PXDNL: variants seen among roughly 807,000 people sequenced by gnomAD.
PXDNL encodes probable oxidoreductase PXDNL.
In PXDNL, 145 loss-of-function variants were observed where a neutral mutation model predicts 150.8. The ratio of observed to expected loss-of-function variants is 0.96; its 90% confidence interval spans 0.84 to 1.10. The LOEUF (loss-of-function observed/expected upper bound fraction) is 1.10, where lower values mean the gene tolerates loss of function less well. PXDNL is among the 50% of genes least tolerant of loss of function. The pLI, the probability that PXDNL is intolerant of heterozygous loss-of-function variation, is 0.00. For missense variants in PXDNL, 2,087 were observed against 1,873.9 expected (o/e 1.11, Z -2.10); for synonymous variants, 757 against 725.7 (o/e 1.04, Z -0.69).
At chr8:51,637,379 G>T (rs1585637442) in intron 2 of PXDNL, among the ~76,000 whole-genome samples, 1 of 152,116 alleles carries the variant, frequency 6.6e-6, no homozygotes, top group African/African-American at 2.4e-5. Flanking sequence ...GAAAGAAGAA[G>T]GCTTCAGACG....
At chr8:51,547,545 C>A (rs1280907889) in intron 4 of PXDNL, among the ~76,000 whole-genome samples, 1 of 152,190 alleles carries the variant, frequency 6.6e-6, no homozygotes, top group Non-Finnish European at 1.5e-5. Flanking sequence ...CCAGCACCAG[C>A]CTACAGCCCA....
At chr8:51,555,716 A>C (rs1454334079) in intron 4 of PXDNL, among the ~76,000 whole-genome samples, 1 of 152,224 alleles carries the variant, frequency 6.6e-6, no homozygotes, top group African/African-American at 2.4e-5. Flanking sequence ...CGAGTTTCAG[A>C]ACTATCCCAT....
In PXDNL at chr8:51,779,426, T is replaced by C. The variant is rs1189415882; in HGVS notation, c.164+29755A>G. On this transcript the variant is annotated intron_variant, in intron 1 of 22. Coordinates refer to ENST00000356297, the MANE Select transcript of PXDNL (RefSeq NM_144651.5). ...AAAAATCCCAGATGTCGGGAACCCC[T>C]GACAGTAAGAGTGAGGAAAGGAATC... Among the ~76,000 whole-genome samples, 5 of 152,262 alleles carry C rather than the reference T, an allele frequency of 3.3e-5. 1 individual carries two copies. The East Asian group carries it at 9.7e-4, about 29-fold the overall frequency.
At chr8:51,641,444 C>A (rs1814752754) in intron 2 of PXDNL, among the ~76,000 whole-genome samples, 2 of 151,558 alleles carry the variant, frequency 1.3e-5, no homozygotes, top group South Asian at 4.2e-4. Context: ...AAAATTTTTG[C>A]AACCTACTTA....
chr8:51,388,762 C>T (rs1215050680), intron 17 of PXDNL, among the ~76,000 whole-genome samples: 1 of 152,128 alleles, frequency 6.6e-6, no homozygotes, highest in African/African-American at 2.4e-5. Context: ...TTATTCTCAT[C>T]TGTCTGTACT....
chr8:51,320,987 T>C (rs1184393887), intron 21 of PXDNL, 90 bp from the exon 22 acceptor site: 3 of 958,408 alleles, frequency 3.1e-6, no homozygotes, highest in Non-Finnish European at 5.0e-6. Flanking sequence ...AATGCTCTAT[T>C]CTGTAAGCAC....
chr8:51,490,625 C>CATAT (rs34839954), intron 5 of PXDNL, among the ~76,000 whole-genome samples: 1 of 148,582 alleles, frequency 6.7e-6, no homozygotes, highest in African/African-American at 2.5e-5. Flanking sequence ...TTATGAGTCA[C>CATAT]ATATATATAT....
intron 1 of PXDNL, among the ~76,000 whole-genome samples, chr8:51,662,161 T>C (rs1192750294): frequency 6.6e-6 from 1 of 152,204 alleles, no homozygotes; most frequent in Non-Finnish European, 1.5e-5. Flanking sequence ...TAATTGGCCT[T>C]CCTTATTTTC....
At chr8:51,499,231 G>A (rs1410345378) in intron 5 of PXDNL, among the ~76,000 whole-genome samples, 2 of 152,214 alleles carry the variant, frequency 1.3e-5, no homozygotes, top group African/African-American at 4.8e-5. Flanking sequence ...CCGGACTCAA[G>A]TGATTCTCAT....
At chr8:51,700,757 C>T (rs7844077) in intron 1 of PXDNL, among the ~76,000 whole-genome samples, 17,958 of 151,596 alleles carry the variant, frequency 0.12, 1,971 homozygotes, top group African/African-American at 0.3. Flanking sequence ...CATACTCATA[C>T]GCACACACAT....
chr8:51,761,207 C>A (rs2037163403), intron 1 of PXDNL, among the ~76,000 whole-genome samples: 1 of 151,920 alleles, frequency 6.6e-6, no homozygotes, highest in Admixed American at 6.6e-5. Flanking sequence ...TCTCCTTGAA[C>A]TGAATGAGAG....
chr8:51,333,874 G>A (rs1805764436), intron 21 of PXDNL, among the ~76,000 whole-genome samples: 1 of 152,102 alleles, frequency 6.6e-6, no homozygotes, highest in South Asian at 2.1e-4. Context: ...AATACTGGGG[G>A]ACTTCAATAC....
intron 6 of PXDNL, 89 bp downstream of exon 6, chr8:51,483,554 A>C: frequency 1.3e-6 from 1 of 797,976 alleles, no homozygotes; most frequent in South Asian, 1.6e-5. Flanking sequence ...TCACAGGAAA[A>C]GCAGGAGAAG....
chr8:51,413,281 T>TA, intron 14 of PXDNL, 23 bp from the exon 15 acceptor site: 2 of 1,438,510 alleles, frequency 1.4e-6, no homozygotes, highest in South Asian at 2.3e-5. Context: ...ATTCCATGAT[T>TA]AAAAATATCA....
chr8:51,378,682 A>G (rs548074176), intron 17 of PXDNL, among the ~76,000 whole-genome samples: 9 of 152,144 alleles, frequency 5.9e-5, no homozygotes, highest in African/African-American at 2.2e-4. Context: ...AAGATCTGCA[A>G]CTTCACTGCT....
chr8:51,503,120 A>G (rs2130304706), intron 4 of PXDNL, among the ~76,000 whole-genome samples: 1 of 152,200 alleles, frequency 6.6e-6, no homozygotes, highest in South Asian at 2.1e-4. Flanking sequence ...TCTATTCCCC[A>G]TTCCAGCCAT....
chr8:51,483,961 A>G (rs915615799), intron 5 of PXDNL, among the ~76,000 whole-genome samples: 2 of 152,194 alleles, frequency 1.3e-5, no homozygotes, highest in Non-Finnish European at 2.9e-5. Flanking sequence ...TTACTTAGTT[A>G]CAGATTACAA....
chr8:51,743,971 AAAAAG>A (rs2036937274), intron 1 of PXDNL, among the ~76,000 whole-genome samples: 3 of 93,262 alleles, frequency 3.2e-5, no homozygotes, highest in Admixed American at 1.1e-4. Context: ...AAGAGAGAGA[AAAAAG>A]AAAGGAAGGA....
At chr8:51,404,826 T>C (rs1808389880) in intron 17 of PXDNL, among the ~76,000 whole-genome samples, 1 of 152,202 alleles carries the variant, frequency 6.6e-6, no homozygotes, top group Non-Finnish European at 1.5e-5. Context: ...GCGCCGGCAC[T>C]CCTCAGCCCT....
Sources: allele counts gnomAD v4.1 joint callset (sites outside exome capture counted in the v4.1 genomes callset), GRCh38; gene constraint gnomAD v4.1.1; transcripts MANE v1.5; gene names NCBI Gene and HGNC (gene_info 2026-07-23, HGNC 2026-07-21).